The following ZNF232 variants were observed in gnomAD, a reference collection of about 807,000 sequenced individuals.
The protein encoded by ZNF232 is zinc finger and SCAN domain-containing protein 11.
ZNF232 carries 25 observed loss-of-function variants against 25.2 expected under a neutral mutation model. The ratio of observed to expected loss-of-function variants is 0.99; its 90% CI spans 0.72 to 1.39. The LOEUF is 1.39. Among genes scored for constraint, ZNF232 ranks in the 40% most tolerant of loss-of-function variants. The probability of loss-of-function intolerance (pLI) is 0.00; values close to 1 mark genes in which losing one functional copy is unlikely to be tolerated. For missense variants in ZNF232, 519 were observed against 520.9 expected (o/e 1.00, Z 0.04); for synonymous variants, 193 against 182.9 (o/e 1.06, Z -0.45).
intron 1 of ZNF232, chr17:5,111,440 C>G: frequency 7.7e-6 from 3 of 388,760 alleles, no homozygotes; most frequent in Non-Finnish European, 1.4e-5. Context: ...CTCGCGTCTC[C>G]CAGGGTGATG....
upstream of ZNF232, chr17:5,111,913 C>T (rs915376116): frequency 1.4e-5 from 22 of 1,544,874 alleles, no homozygotes; most frequent in African/African-American, 2.3e-4. Flanking sequence ...CTCCAACTCC[C>T]AGAATCCTCC....
At chr17:5,113,534 A>G (rs537007486), upstream of ZNF232, 1 of 152,386 alleles carries the variant, frequency 6.6e-6, no homozygotes, top group African/African-American at 2.4e-5. Flanking sequence ...TACATGAGAG[A>G]AGACAATGGG....
intron 1 of ZNF232, chr17:5,121,503 C>A: frequency 4.3e-6 from 1 of 234,600 alleles, no homozygotes; most frequent in Non-Finnish European, 8.4e-6. Flanking sequence ...GGGCCTCTGT[C>A]CCCTCCCCAC....
At chr17:5,106,080 T>G in exon 4 of ZNF232, 2 of 1,614,184 alleles carry the variant, frequency 1.2e-6, no homozygotes, top group Non-Finnish European at 1.7e-6. Flanking sequence ...TTCATTACAT[T>G]CGAAGGGTTT....
chr17:5,111,637 G>T, intron 1 of ZNF232, 163 bp downstream of exon 1: 3 of 1,010,262 alleles, frequency 3.0e-6, no homozygotes, highest in Middle Eastern at 2.9e-4. Flanking sequence ...GCGACGCAAC[G>T]CAGGTAGCGC....
intron 3 of ZNF232, chr17:5,108,674 G>A (rs1181211071): frequency 2.5e-6 from 1 of 406,590 alleles, no homozygotes; most frequent in African/African-American, 2.0e-5. Flanking sequence ...ATGCTGGCCA[G>A]GCTTTATATC....
At chr17:5,117,746 C>G (rs1002113373) in intron 1 of ZNF232, among the ~76,000 whole-genome samples, 3 of 151,836 alleles carry the variant, frequency 2.0e-5, no homozygotes, top group Non-Finnish European at 4.4e-5. Context: ...TAGGAGGCTG[C>G]GATAATAGTA....
At chr17:5,108,682 A>G (rs1255553861) in intron 3 of ZNF232, 6 of 437,890 alleles carry the variant, frequency 1.4e-5, no homozygotes, top group Non-Finnish European at 2.4e-5. Context: ...CAGGCTTTAT[A>G]TCCAGATAAG....
chr17:5,109,636 G>A (rs1459948136), exon 2 of ZNF232: 13 of 1,614,212 alleles, frequency 8.1e-6, no homozygotes, highest in South Asian at 2.2e-5. Context: ...TCCTGGTAGC[G>A]GAGATGCCTG....
intron 1 of ZNF232, 49 bp from the exon 2 acceptor site, chr17:5,109,917 T>C: frequency 6.7e-7 from 1 of 1,500,156 alleles, no homozygotes; most frequent in Non-Finnish European, 8.9e-7. Flanking sequence ...TAAGACAGAG[T>C]CTTTCTCTGT....
At chr17:5,106,831 A>C (rs2072271668) in intron 3 of ZNF232, among the ~76,000 whole-genome samples, 1 of 152,196 alleles carries the variant, frequency 6.6e-6, no homozygotes, top group Non-Finnish European at 1.5e-5. Context: ...TTTTCAAGGA[A>C]TCAGGGAATG....
rs1263477150 is a variant in ZNF232 at position 5,109,061 on chromosome 17, G to A, written c.499-9C>T. 1.2e-6 allele frequency: 2 copies of A among 1,613,900 alleles called. No homozygotes were observed. The highest frequency in any genetic ancestry group is 2.2e-5 in the East Asian group (1 of 44,872). ...TGTGCAGGGCCTGGGACCTGGAGGT[G>A]ATCAGGCACCACTCAGTTTAAATTT... On this transcript the variant is annotated splice_polypyrimidine_tract_variant and intron_variant, in intron 2 of 3. Coordinates refer to ENST00000575898, the Ensembl canonical transcript of ZNF232.
upstream of ZNF232, chr17:5,112,093 C>A: frequency 1.8e-6 from 1 of 561,580 alleles, no homozygotes. Flanking sequence ...AATTGCAGTC[C>A]TTGCGCAGGT....
chr17:5,111,816 G>C, exon 1 of ZNF232: 1 of 1,613,872 alleles, frequency 6.2e-7, no homozygotes, highest in Non-Finnish European at 8.5e-7. Flanking sequence ...GGACCAGGAG[G>C]TTCCATCGGG....
At chr17:5,108,688 A>G (rs146148659) in intron 3 of ZNF232, 117 of 473,382 alleles carry the variant, frequency 2.5e-4, no homozygotes, top group East Asian at 5.2e-4. Flanking sequence ...TTATATCCAG[A>G]TAAGACCCAA....
intron 3 of ZNF232, 140 bp from the exon 4 acceptor site, chr17:5,106,673 G>C (rs1384474783): frequency 1.4e-6 from 1 of 722,744 alleles, no homozygotes; most frequent in Non-Finnish European, 2.2e-6. Flanking sequence ...TTGGTGATGG[G>C]ACTATACAGA....
chr17:5,111,643 A>C, intron 1 of ZNF232, 157 bp downstream of exon 1: 2 of 1,047,718 alleles, frequency 1.9e-6, no homozygotes, highest in Non-Finnish European at 2.8e-6. Flanking sequence ...CAACGCAGGT[A>C]GCGCAGCGCG....
upstream of ZNF232, chr17:5,112,133 T>G (rs2072431410): frequency 2.1e-6 from 1 of 483,772 alleles, no homozygotes; most frequent in Non-Finnish European, 3.6e-6. Context: ...GCGGGTGACT[T>G]CATCAAGTTT....
chr17:5,109,886 A>T lies in ZNF232; in HGVS notation c.24-18T>A. 6.4e-7 allele frequency: 1 copy of T among 1,566,042 alleles called. No homozygotes were observed. The highest frequency in any genetic ancestry group is 8.6e-7 in the Non-Finnish European group (1 of 1,162,118). On this transcript the variant is annotated intron_variant, in intron 1 of 3. Coordinates refer to ENST00000575898, the Ensembl canonical transcript of ZNF232. ...AGGGCCCCCTGTAACATAAGAAGAA[A>T]TCATTCCTCTTTTTTTTTTTTAAGA...
Sources: gnomAD v4.1 joint callset for allele counts (sites outside exome capture counted in the v4.1 genomes callset) on GRCh38, gnomAD v4.1.1 for gene constraint, MANE v1.5 for transcripts, NCBI Gene and HGNC (gene_info 2026-07-23, HGNC 2026-07-21) for gene names.